The following COL23A1 variants were observed in gnomAD, a reference collection of about 807,000 sequenced individuals.
COL23A1 encodes the protein collagen alpha-1(XXIII) chain.
A neutral mutation model predicts 99.3 loss-of-function variants in COL23A1; 97 were observed. The ratio of observed to expected loss-of-function variants is 0.98; its 90% CI spans 0.83 to 1.16. The LOEUF (loss-of-function observed/expected upper bound fraction) is 1.16. Ranked by LOEUF, COL23A1 falls within the 50% of genes most tolerant of loss-of-function variation. The pLI is 0.00. For missense variants in COL23A1, 762 were observed against 757.4 expected (o/e 1.01, Z -0.07); for synonymous variants, 320 against 308.2 (o/e 1.04, Z -0.40).
At chr5:178,405,259 G>T (rs1764699582) in intron 2 of COL23A1, among the ~76,000 whole-genome samples, 1 of 152,246 alleles carries the variant, frequency 6.6e-6, no homozygotes, top group Non-Finnish European at 1.5e-5. Context: ...CCTTGGTTTT[G>T]TGAGTCAGTA....
chr5:178,252,459 AACAGGGTC>A (rs1765086694), intron 17 of COL23A1, 77 bp downstream of exon 17: 1 of 1,326,870 alleles, frequency 7.5e-7, no homozygotes, highest in African/African-American at 1.5e-5. Context: ...AGGGAAGTGG[AACAGGGTC>A]ACAGAGCAGA....
At chr5:178,442,906 G>T (rs772259950) in intron 2 of COL23A1, 1 of 152,270 alleles carries the variant, frequency 6.6e-6, no homozygotes, top group Non-Finnish European at 1.5e-5. Context: ...CCACCAAAGG[G>T]TGGCCTCCCA....
chr5:178,546,014 G>A (rs1418124994), intron 2 of COL23A1, among the ~76,000 whole-genome samples: 1 of 152,000 alleles, frequency 6.6e-6, no homozygotes, highest in East Asian at 1.9e-4. Flanking sequence ...TCCAAACCCT[G>A]ACACCCCTCC....
At chr5:178,262,528 G>A (rs1471227307) in intron 9 of COL23A1, among the ~76,000 whole-genome samples, 1 of 152,154 alleles carries the variant, frequency 6.6e-6, no homozygotes, top group African/African-American at 2.4e-5. Context: ...TTGACTGGGG[G>A]GGGACCCTGG....
Position 178,388,981 on chromosome 5 carries a change from G to C in COL23A1, c.362-82062C>G, listed in dbSNP as rs140814603. 3.7e-3 allele frequency among the ~76,000 whole-genome samples: 558 copies of C among 152,302 alleles called. 3 individuals carry two copies. Among genetic ancestry groups the C allele is most frequent in the African/African-American group, 0.012 (517 of 41,556 alleles). On this transcript the variant is annotated intron_variant, in intron 2 of 28. Coordinates refer to ENST00000390654, the MANE Select transcript of COL23A1 (RefSeq NM_173465.4). ...AACCCTTTCCGCAGGGACATCTCATGAGTCAGGTGCTCCAGGGACACTGAT... is the reference window on the plus strand; with the variant it reads ...AACCCTTTCCGCAGGGACATCTCATCAGTCAGGTGCTCCAGGGACACTGAT...
chr5:178,249,048 G>T, intron 19 of COL23A1, 69 bp downstream of exon 19: 6 of 1,515,454 alleles, frequency 4.0e-6, no homozygotes, highest in South Asian at 3.4e-5. Flanking sequence ...CCCACAGCAC[G>T]GGGGGCACAC....
At chr5:178,557,005 C>T (rs1338360030) in intron 2 of COL23A1, among the ~76,000 whole-genome samples, 1 of 152,148 alleles carries the variant, frequency 6.6e-6, no homozygotes, top group Non-Finnish European at 1.5e-5. Flanking sequence ...AAATAAGACA[C>T]AGGTCTGCCG....
intron 5 of COL23A1, among the ~76,000 whole-genome samples, chr5:178,271,086 T>A (rs1296813704): frequency 6.6e-6 from 1 of 152,158 alleles, no homozygotes; most frequent in Admixed American, 6.5e-5. Context: ...CTCAGGGACC[T>A]CCAGGCCCCC....
At chr5:178,354,369 C>T (rs1342445364) in intron 2 of COL23A1, among the ~76,000 whole-genome samples, 7 of 152,062 alleles carry the variant, frequency 4.6e-5, no homozygotes, top group Non-Finnish European at 7.4e-5. Context: ...CCACCATGCC[C>T]TGCTAATTTT....
Position 178,262,107 on chromosome 5 carries a change from CAT to C in COL23A1, c.675+108_675+109del, listed in dbSNP as rs978870835. On this transcript the variant is annotated intron_variant, in intron 10 of 28. Coordinates refer to ENST00000390654, the MANE Select transcript of COL23A1 (RefSeq NM_173465.4). Reference sequence around the variant, plus strand: ...GTACATGCAGAGGCGCGCGCACACACATAAACATGTGCGCGTGACCCTGCTGT... The same window carrying C: ...GTACATGCAGAGGCGCGCGCACACACAAACATGTGCGCGTGACCCTGCTGT... The C allele has an allele frequency of 6.0e-5, 71 of 1,186,184 alleles. No homozygotes were observed. In the African/African-American group the frequency reaches 8.8e-4, roughly 15 times the overall value. 73.5% of individuals were successfully genotyped at this position (1,186,184 alleles called of 1,614,324 possible). A position where few individuals can be genotyped will look rare whatever the true frequency, so the allele number is the denominator to read the frequency against.
At chr5:178,375,777 G>A (rs1339076988) in intron 2 of COL23A1, among the ~76,000 whole-genome samples, 2 of 152,104 alleles carry the variant, frequency 1.3e-5, no homozygotes, top group African/African-American at 2.4e-5. Context: ...GCACAATCTT[G>A]GCTCACTGAA....
At chr5:178,321,480 C>CTTTTTT (rs570803192) in intron 2 of COL23A1, among the ~76,000 whole-genome samples, 2 of 109,026 alleles carry the variant, frequency 1.8e-5, no homozygotes, top group East Asian at 2.4e-4. Flanking sequence ...GTCACCTTCC[C>CTTTTTT]TTTTTTTTTT....
intron 2 of COL23A1, among the ~76,000 whole-genome samples, chr5:178,406,478 G>A (rs1561943696): frequency 6.7e-6 from 1 of 148,914 alleles, no homozygotes; most frequent in East Asian, 2.0e-4. Context: ...CATCCAGGCT[G>A]GAGTGAAATG....
rs1039081674 is a variant in COL23A1, at chr5:178,365,624, G to A, written c.362-58705C>T. ...ATGCCCCAGCCTCACCCCACGGCCC[G>A]CCCAGCACCCGCCAGGCATGCAGTG... On this transcript the variant is annotated intron_variant, in intron 2 of 28. Coordinates refer to ENST00000390654, the MANE Select transcript of COL23A1 (RefSeq NM_173465.4). This position sits in a 1 kb window ranked among gnomAD's most constrained non-coding sequence, Gnocchi z 5.2. Among the ~76,000 whole-genome samples the A allele has an allele frequency of 2.0e-5, 3 of 152,100 alleles. No homozygotes were observed. Among genetic ancestry groups the A allele is most frequent in the African/African-American group, 7.2e-5 (3 of 41,408 alleles).
intron 12 of COL23A1, among the ~76,000 whole-genome samples, chr5:178,258,260 T>TACACAC (rs1325886525): frequency 1.1e-5 from 1 of 88,974 alleles, no homozygotes; most frequent in Non-Finnish European, 2.9e-5. Flanking sequence ...TATATATATA[T>TACACAC]ATACACATGC....
intron 2 of COL23A1, among the ~76,000 whole-genome samples, chr5:178,470,360 T>C (rs1181375795): frequency 6.6e-6 from 1 of 152,082 alleles, no homozygotes; most frequent in East Asian, 1.9e-4. Flanking sequence ...ACAGTGCCCA[T>C]AAGCCGAGCA....
intron 2 of COL23A1, among the ~76,000 whole-genome samples, chr5:178,351,414 T>C (rs1179552886): frequency 6.6e-6 from 1 of 152,164 alleles, no homozygotes; most frequent in Non-Finnish European, 1.5e-5. Context: ...TGGCGAGCCT[T>C]GCTGGGGACC....
chr5:178,479,878 G>C lies in COL23A1; in HGVS notation c.361+80804C>G, dbSNP rs1264236324. Among the ~76,000 whole-genome samples the C allele has an allele frequency of 2.0e-5, 3 of 152,292 alleles. No individual in the cohort carries two copies. The East Asian group carries it at 5.8e-4, about 29-fold the overall frequency. Reference sequence around the variant, plus strand: ...TGTGTCATTGTGTGAACATCATAGAGTGAATGAACTTACACAAACCTAGAT... The same window carrying C: ...TGTGTCATTGTGTGAACATCATAGACTGAATGAACTTACACAAACCTAGAT... On this transcript the variant is annotated intron_variant, in intron 2 of 28. Coordinates refer to ENST00000390654, the MANE Select transcript of COL23A1 (RefSeq NM_173465.4).
chr5:178,293,058 G>C (rs1461516357), intron 3 of COL23A1, among the ~76,000 whole-genome samples: 1 of 152,020 alleles, frequency 6.6e-6, no homozygotes, highest in Non-Finnish European at 1.5e-5. Context: ...GAGAGAAGGG[G>C]GTTGAGGGAT....
Sources: allele counts gnomAD v4.1 joint callset (sites outside exome capture counted in the v4.1 genomes callset), GRCh38; gene constraint gnomAD v4.1.1; non-coding constraint Gnocchi (gnomAD v3.1); transcripts MANE v1.5; gene names NCBI Gene and HGNC (gene_info 2026-07-23, HGNC 2026-07-21).